TMEM87B: variants seen among roughly 807,000 people sequenced by gnomAD.
TMEM87B encodes transmembrane protein 87B.
In TMEM87B, 83 loss-of-function variants were observed where a neutral mutation model predicts 80.3. The observed-to-expected ratio is 1.03, with a 90% CI of 0.87 to 1.24. The LOEUF (loss-of-function observed/expected upper bound fraction) is 1.24. TMEM87B is among the 50% of genes most tolerant of loss of function. The probability of loss-of-function intolerance (pLI) is 0.00; values close to 1 mark genes in which losing one functional copy is unlikely to be tolerated. For synonymous variants in TMEM87B, 219 were observed against 230.5 expected, an observed-to-expected ratio of 0.95 and a Z score of 0.45; for missense variants, 625 against 674.4, an observed-to-expected ratio of 0.93 and a Z score of 0.81.
intron 11 of TMEM87B, among the ~76,000 whole-genome samples, chr2:112,092,210 A>G (rs1679324328): frequency 6.6e-6 from 1 of 152,204 alleles, no homozygotes; most frequent in African/African-American, 2.4e-5. Flanking sequence ...TTAAATTGAG[A>G]CTGGGAAGAC....
intron 1 of TMEM87B, among the ~76,000 whole-genome samples, chr2:112,058,997 G>C (rs1433452488): frequency 6.6e-6 from 1 of 152,186 alleles, no homozygotes; most frequent in Non-Finnish European, 1.5e-5. Context: ...AAACAGGTTT[G>C]TCTGTTGGAC....
intron 11 of TMEM87B, among the ~76,000 whole-genome samples, chr2:112,093,113 A>G (rs1679352660): frequency 6.6e-6 from 1 of 152,154 alleles, no homozygotes; most frequent in Admixed American, 6.5e-5. Context: ...CTTGGATCTC[A>G]TCACTATGCC....
intron 6 of TMEM87B, among the ~76,000 whole-genome samples, chr2:112,079,926 C>CTTT (rs61341379): frequency 0.021 from 1,730 of 84,000 alleles, 100 homozygotes; most frequent in East Asian, 0.078. Context: ...GGTCCCTTGC[C>CTTT]TTTTTTTTTT....
chr2:112,055,905 A>AAAAGCTGTTACAAAAGC, intron 1 of TMEM87B, 149 bp downstream of exon 1: 1 of 1,134,298 alleles, frequency 8.8e-7, no homozygotes, highest in Non-Finnish European at 1.2e-6. Flanking sequence ...TGTCTGTTAC[A>AAAAGCTGTTACAAAAGC]GCCGGGGAGC....
intron 13 of TMEM87B, among the ~76,000 whole-genome samples, chr2:112,097,554 G>A (rs994212923): frequency 4.6e-5 from 7 of 151,706 alleles, no homozygotes; most frequent in South Asian, 2.1e-4. Flanking sequence ...GTGAAACCCC[G>A]TCTCTACTAA....
chr2:112,090,041 T>A lies in TMEM87B; in HGVS notation c.1032+323T>A, dbSNP rs140805391. Among the ~76,000 whole-genome samples the A allele has an allele frequency of 3.9e-4, 59 of 152,354 alleles. No homozygotes were observed. The East Asian group carries it at 0.011, about 28-fold the overall frequency. The stretch of plus-strand genomic sequence containing the variant: ...TGCAGCTGGTATACCTTAATATCAT[T>A]CTTAACCCTGGATTTTAAAATGTAT... On this transcript the variant is annotated intron_variant, in intron 10 of 18. Coordinates refer to ENST00000283206, the MANE Select transcript of TMEM87B (RefSeq NM_032824.3).
intron 9 of TMEM87B, among the ~76,000 whole-genome samples, chr2:112,088,909 C>T (rs1246476402): frequency 1.3e-5 from 2 of 152,118 alleles, no homozygotes; most frequent in African/African-American, 2.4e-5. Context: ...CAGGCACGAG[C>T]CACCACCCCC....
Position 112,078,597 on chromosome 2 carries a change from G to T in TMEM87B, c.592+1315G>T, listed in dbSNP as rs1353751777. 2.0e-5 allele frequency among the ~76,000 whole-genome samples: 3 copies of T among 152,162 alleles called. No homozygotes were observed. In the East Asian group the frequency reaches 5.8e-4, roughly 29 times the overall value. ...GGGTATGAAGCTTTAATGAATTTTT[G>T]AGGACATTCAGACCATAGAACTAGG... On this transcript the variant is annotated intron_variant, in intron 6 of 18. Transcript: ENST00000283206.
At chr2:112,064,652 A>G (rs1678362437) in intron 3 of TMEM87B, among the ~76,000 whole-genome samples, 2 of 152,336 alleles carry the variant, frequency 1.3e-5, no homozygotes, top group South Asian at 2.1e-4. Flanking sequence ...AGAAGAAAGG[A>G]GGTATCTGGG....
At chr2:112,080,342 C>T (rs1678955525) in intron 6 of TMEM87B, among the ~76,000 whole-genome samples, 1 of 152,066 alleles carries the variant, frequency 6.6e-6, no homozygotes, top group African/African-American at 2.4e-5. Context: ...TCACTGCAAG[C>T]TCCACCTCCT....
chr2:112,061,902 A>G (rs1678270187), intron 2 of TMEM87B, among the ~76,000 whole-genome samples: 1 of 152,196 alleles, frequency 6.6e-6, no homozygotes, highest in Non-Finnish European at 1.5e-5. Context: ...GACCACAGCT[A>G]TGACATGGGG....
chr2:112,104,874 CAGTAATAAAA>C (rs1307170699), intron 15 of TMEM87B, among the ~76,000 whole-genome samples: 4 of 152,094 alleles, frequency 2.6e-5, no homozygotes, highest in Non-Finnish European at 2.9e-5. Flanking sequence ...GAATACTTTT[CAGTAATAAAA>C]AGTAACCAAC....
chr2:112,110,734 C>T (rs532051514), intron 17 of TMEM87B, among the ~76,000 whole-genome samples: 1 of 151,910 alleles, frequency 6.6e-6, no homozygotes, highest in Non-Finnish European at 1.5e-5. Flanking sequence ...CTCCCACCGC[C>T]CCCCCCAACT....
Position 112,055,308 on chromosome 2 carries a change from G to A in TMEM87B, c.-284G>A, listed in dbSNP as rs184636304. ...GCTAGGCCCTGAGCCCAGCCTCCAC[G>A]TCTCGCCGCCAACTCCACATCCTGG... On this transcript the variant is annotated 5_prime_UTR_variant, in exon 1 of 19. Coordinates refer to ENST00000283206, the MANE Select transcript of TMEM87B (RefSeq NM_032824.3). The A allele has an allele frequency of 7.5e-5, 35 of 466,110 alleles. No individual in the cohort carries two copies. Among genetic ancestry groups the A allele is most frequent in the Admixed American group, 3.1e-4 (7 of 22,506 alleles). The allele number at this position is 466,110 out of a possible 1,614,324, so 28.9% of individuals were successfully genotyped here.
At chr2:112,055,957 A>G (rs913016702) in intron 1 of TMEM87B, among the ~76,000 whole-genome samples, 3 of 152,210 alleles carry the variant, frequency 2.0e-5, no homozygotes, top group African/African-American at 7.2e-5. Flanking sequence ...GCTGCAGGCA[A>G]GAGCCGTCAG....
At chr2:112,060,534 AT>A (rs1220747984) in intron 2 of TMEM87B, among the ~76,000 whole-genome samples, 1 of 149,448 alleles carries the variant, frequency 6.7e-6, no homozygotes, top group Admixed American at 6.7e-5. Flanking sequence ...ACAAGAATGG[AT>A]TTTTCTTTTT....
rs1315547151 is a variant in TMEM87B at position 112,117,582 on chromosome 2, A to G, written c.*1439A>G. 2 of 152,188 alleles carry G rather than the reference A, an allele frequency of 1.3e-5. No homozygotes were observed. The highest frequency in any genetic ancestry group is 1.5e-5 in the Non-Finnish European group (1 of 68,022). The allele number at this position is 152,188 out of a possible 1,614,324, so 9.4% of individuals were successfully genotyped here. On this transcript the variant is annotated 3_prime_UTR_variant, in exon 19 of 19. Transcript: ENST00000283206. Reference sequence around the variant, plus strand: ...GTGTTTTCAGTCGTGACCATGTGGAAAGTGAACAGTGTTGGCAAACATTAC... The same window carrying G: ...GTGTTTTCAGTCGTGACCATGTGGAGAGTGAACAGTGTTGGCAAACATTAC...
chr2:112,061,950 T>C (rs1487062426), intron 2 of TMEM87B, among the ~76,000 whole-genome samples: 2 of 152,238 alleles, frequency 1.3e-5, no homozygotes, highest in Admixed American at 6.5e-5. Context: ...TGAGCCTCCT[T>C]GGTCTGGTGC....
chr2:112,095,165 C>CTTTTTTTTTTTTTTTTTTTTTTTTTTTTT lies in TMEM87B; in HGVS notation c.1105-1860_1105-1832dup, dbSNP rs749222333. ...CGTTTCTCTTTTCTTTTCTTTCTTTCTTTTTTTTTTTTTTTTTTTTTTTTT... is the reference window on the plus strand; with the variant it reads ...CGTTTCTCTTTTCTTTTCTTTCTTTCTTTTTTTTTTTTTTTTTTTTTTTTTTTTTTTTTTTTTTTTTTTTTTTTTTTTTT... On this transcript the variant is annotated intron_variant, in intron 11 of 18. Transcript: ENST00000283206. 15 of 540,884 alleles carry CTTTTTTTTTTTTTTTTTTTTTTTTTTTTT rather than the reference C, an allele frequency of 2.8e-5. 3 individuals are homozygous for CTTTTTTTTTTTTTTTTTTTTTTTTTTTTT. The highest frequency in any genetic ancestry group is 1.9e-4 in the East Asian group (1 of 5,170). The allele number at this position is 540,884 out of a possible 1,614,324, so 33.5% of individuals were successfully genotyped here.
Sources: allele counts gnomAD v4.1 joint callset (sites outside exome capture counted in the v4.1 genomes callset), GRCh38; gene constraint gnomAD v4.1.1; transcripts MANE v1.5; gene names NCBI Gene and HGNC (gene_info 2026-07-23, HGNC 2026-07-21).